CNTLN: variants seen among roughly 807,000 people sequenced by gnomAD.
CNTLN encodes the protein centlein, centrosomal protein.
CNTLN carries 212 observed loss-of-function variants against 180.0 expected under a neutral mutation model. The observed-to-expected ratio is 1.18, with a 90% CI of 1.05 to 1.32. The LOEUF is 1.32. CNTLN is among the 40% of genes most tolerant of loss of function. The pLI is 0.00. For synonymous variants in CNTLN, 722 were observed against 563.1 expected, an observed-to-expected ratio of 1.28 and a Z score of -3.99; for missense variants, 2,095 against 1,610.9, an observed-to-expected ratio of 1.30 and a Z score of -5.14.
intron 2 of CNTLN, among the ~76,000 whole-genome samples, chr9:17,146,189 A>T (rs1257332906): frequency 6.6e-6 from 1 of 152,112 alleles, no homozygotes; most frequent in East Asian, 1.9e-4. Flanking sequence ...TTTTCTTTTC[A>T]TTGATAAAAT....
In CNTLN at chr9:17,497,144, A is replaced by G. The variant is rs141952097; in HGVS notation, c.4120-5407A>G. Among the ~76,000 whole-genome samples, 17 of 152,282 alleles carry G rather than the reference A, an allele frequency of 1.1e-4. No individual in the cohort carries two copies. The East Asian group carries it at 3.3e-3, about 29-fold the overall frequency. The stretch of plus-strand genomic sequence containing the variant: ...GCCCAAAGCATTATCTTAAAGGTGA[A>G]GGCACAGCAGTAGTCTCTGATCTAT... On this transcript the variant is annotated intron_variant, in intron 25 of 25. Coordinates refer to ENST00000380647, the MANE Select transcript of CNTLN (RefSeq NM_017738.4).
chr9:17,182,894 C>T (rs983370678), intron 2 of CNTLN, among the ~76,000 whole-genome samples: 2 of 152,132 alleles, frequency 1.3e-5, no homozygotes, highest in South Asian at 2.1e-4. Context: ...CATGTGAATT[C>T]TAGTGGGAGG....
At chr9:17,265,674 CT>C (rs1281233495) in intron 5 of CNTLN, among the ~76,000 whole-genome samples, 4 of 151,916 alleles carry the variant, frequency 2.6e-5, no homozygotes, top group African/African-American at 9.7e-5. Context: ...GTCCTGGACT[CT>C]TTTTGGTTGG....
chr9:17,388,096 TA>T (rs572749020), intron 13 of CNTLN, 65 bp from the exon 14 acceptor site: 2 of 1,020,142 alleles, frequency 2.0e-6, no homozygotes, highest in South Asian at 2.2e-5. Flanking sequence ...CCCTTTTTCT[TA>T]AAATGACAGG....
intron 2 of CNTLN, among the ~76,000 whole-genome samples, chr9:17,186,350 G>T (rs1358815802): frequency 6.6e-6 from 1 of 152,172 alleles, no homozygotes; most frequent in Non-Finnish European, 1.5e-5. Context: ...CATGTTAAAA[G>T]AATCTCAGCA....
intron 6 of CNTLN, among the ~76,000 whole-genome samples, chr9:17,293,746 T>C (rs1383526571): frequency 6.6e-5 from 10 of 152,090 alleles, no homozygotes; most frequent in Non-Finnish European, 1.3e-4. Context: ...GACCTCCCCT[T>C]CCATTAGGAA....
At chr9:17,414,778 A>G (rs768598939) in intron 16 of CNTLN, among the ~76,000 whole-genome samples, 9 of 152,194 alleles carry the variant, frequency 5.9e-5, no homozygotes, top group Non-Finnish European at 1.2e-4. Context: ...GCATATATCT[A>G]TGTTTCCCAG....
intron 7 of CNTLN, among the ~76,000 whole-genome samples, chr9:17,307,050 C>A (rs1436717744): frequency 6.6e-6 from 1 of 152,130 alleles, no homozygotes; most frequent in Non-Finnish European, 1.5e-5. Flanking sequence ...TGTCAGGTTC[C>A]TACTCTTTCT....
intron 2 of CNTLN, among the ~76,000 whole-genome samples, chr9:17,179,272 G>T (rs1383401061): frequency 1.4e-5 from 2 of 145,360 alleles, no homozygotes; most frequent in Non-Finnish European, 3.0e-5. Flanking sequence ...AAGAAGAAGT[G>T]TAGATTATTG....
intron 6 of CNTLN, among the ~76,000 whole-genome samples, chr9:17,290,780 G>A (rs909054997): frequency 8.0e-5 from 12 of 150,194 alleles, no homozygotes; most frequent in South Asian, 4.2e-4. Context: ...TTCCAGGTGC[G>A]TCTGTCACCC....
chr9:17,243,995 G>T (rs1825652125), intron 5 of CNTLN, among the ~76,000 whole-genome samples: 1 of 151,736 alleles, frequency 6.6e-6, no homozygotes, highest in African/African-American at 2.4e-5. Context: ...TCCAGTGTTG[G>T]GTGCATATAT....
intron 13 of CNTLN, among the ~76,000 whole-genome samples, chr9:17,387,011 A>C (rs1483420245): frequency 2.0e-5 from 3 of 152,234 alleles, no homozygotes; most frequent in Non-Finnish European, 2.9e-5. Context: ...CTTATTCCCC[A>C]GGTGGCAAAT....
At chr9:17,217,101 A>G (rs1361597945) in intron 2 of CNTLN, among the ~76,000 whole-genome samples, 2 of 152,262 alleles carry the variant, frequency 1.3e-5, no homozygotes, top group African/African-American at 4.8e-5. Context: ...AAACTTTTAC[A>G]ATAGATGCAG....
chr9:17,291,222 C>A (rs1047716377), intron 6 of CNTLN, among the ~76,000 whole-genome samples: 1 of 152,128 alleles, frequency 6.6e-6, no homozygotes, highest in Non-Finnish European at 1.5e-5. Flanking sequence ...CTCCCAAGTA[C>A]GTGACTGATT....
At chr9:17,244,604 G>A (rs566356463) in intron 5 of CNTLN, among the ~76,000 whole-genome samples, 9 of 151,938 alleles carry the variant, frequency 5.9e-5, no homozygotes, top group Non-Finnish European at 1.0e-4. Flanking sequence ...TTTACCTTCC[G>A]CATTATTAGT....
At chr9:17,181,877 A>G (rs1297116135) in intron 2 of CNTLN, among the ~76,000 whole-genome samples, 1 of 152,162 alleles carries the variant, frequency 6.6e-6, no homozygotes, top group Non-Finnish European at 1.5e-5. Flanking sequence ...TGTGGCTTCC[A>G]CTGTCATCAC....
chr9:17,150,642 TG>T lies in CNTLN; in HGVS notation c.449+7268del, dbSNP rs1818799274. Reference sequence around the variant, plus strand: ...TGTCTTGGCTATGCGGGCTCTTTTTTGGTTCCATATGAACTTTAAAGTAGTT... The same window carrying T: ...TGTCTTGGCTATGCGGGCTCTTTTTTGTTCCATATGAACTTTAAAGTAGTT... On this transcript the variant is annotated intron_variant, in intron 2 of 25. Coordinates refer to ENST00000380647, the MANE Select transcript of CNTLN (RefSeq NM_017738.4). 2.0e-5 allele frequency among the ~76,000 whole-genome samples: 3 copies of T among 152,346 alleles called. No homozygotes were observed. In the South Asian group the frequency reaches 6.2e-4, roughly 32 times the overall value.
At chr9:17,166,357 G>C (rs1217599376) in intron 2 of CNTLN, among the ~76,000 whole-genome samples, 1 of 151,954 alleles carries the variant, frequency 6.6e-6, no homozygotes, top group Non-Finnish European at 1.5e-5. Context: ...AGGAGCAAAA[G>C]GAAAAGAATA....
chr9:17,295,993 AGAGAGTGTGTGTGTGTGTGTGT>A (rs1388093787), intron 6 of CNTLN, among the ~76,000 whole-genome samples: 2 of 81,062 alleles, frequency 2.5e-5, no homozygotes, highest in African/African-American at 6.8e-5. Context: ...AGAGAGAGAG[AGAGAGTGTGTGTGTGTGTGTGT>A]GTGTGTGTGT....
Sources: allele counts gnomAD v4.1 joint callset (sites outside exome capture counted in the v4.1 genomes callset), GRCh38; gene constraint gnomAD v4.1.1; transcripts MANE v1.5; gene names NCBI Gene and HGNC (gene_info 2026-07-23, HGNC 2026-07-21).